CNTNAP5: variants seen among roughly 807,000 people sequenced by gnomAD.
CNTNAP5 encodes contactin associated protein family member 5, also known as contactin-associated protein-like 5.
In CNTNAP5, 72 loss-of-function variants were observed where a neutral mutation model predicts 150.2. That is an observed-to-expected ratio of 0.48 (90% confidence interval 0.40 to 0.58). The LOEUF is 0.58. Ranked by LOEUF, CNTNAP5 falls within the 20% of genes least tolerant of loss-of-function variation. The pLI is 0.00. For synonymous variants in CNTNAP5, 672 were observed against 619.8 expected (o/e 1.08, Z -1.25); for missense variants, 1,636 against 1,626.2 (o/e 1.01, Z -0.10).
At chr2:124,137,891 A>G (rs1424148779) in intron 1 of CNTNAP5, among the ~76,000 whole-genome samples, 1 of 152,100 alleles carries the variant, frequency 6.6e-6, no homozygotes, top group Non-Finnish European at 1.5e-5. Context: ...TCCAGGTTCT[A>G]AATTCAGAAG....
At chr2:124,619,908 CATATATATATATATAT>C (rs10540154) in intron 12 of CNTNAP5, among the ~76,000 whole-genome samples, 1 of 115,548 alleles carries the variant, frequency 8.7e-6, no homozygotes, top group Non-Finnish European at 1.6e-5. Flanking sequence ...CTGTCTCATT[CATATATATATATATAT>C]ATATATATAT....
At chr2:124,721,752 G>T (rs1381622839) in intron 13 of CNTNAP5, among the ~76,000 whole-genome samples, 1 of 152,086 alleles carries the variant, frequency 6.6e-6, no homozygotes, top group Non-Finnish European at 1.5e-5. Flanking sequence ...TGATATATCA[G>T]GAGGAATCCT....
intron 1 of CNTNAP5, among the ~76,000 whole-genome samples, chr2:124,160,691 A>G (rs1399133078): frequency 6.6e-6 from 1 of 152,172 alleles, no homozygotes; most frequent in African/African-American, 2.4e-5. Flanking sequence ...GAAGCACGGT[A>G]ATTAGGTATA....
intron 2 of CNTNAP5, among the ~76,000 whole-genome samples, chr2:124,234,696 T>A (rs1461252981): frequency 6.6e-6 from 1 of 152,192 alleles, no homozygotes; most frequent in East Asian, 1.9e-4. Flanking sequence ...CTCACTTCTT[T>A]TATAACTTCT....
In CNTNAP5 at chr2:124,916,721, G is replaced by A. The variant is rs557733171; in HGVS notation, c.*2433G>A. 1.3e-5 allele frequency among the ~76,000 whole-genome samples: 2 copies of A among 152,034 alleles called. No homozygotes were observed. The highest frequency in any genetic ancestry group is 3.9e-4 in the East Asian group (2 of 5,144). ...GTGAAGCTCTATCCTGACCACAATG[G>A]CACTACAAAATCAACTGGCATCTTC... On this transcript the variant is annotated 3_prime_UTR_variant, in exon 24 of 24. Transcript: ENST00000682447.
chr2:124,319,591 A>C (rs1328610153), intron 3 of CNTNAP5, among the ~76,000 whole-genome samples: 1 of 152,172 alleles, frequency 6.6e-6, no homozygotes, highest in African/African-American at 2.4e-5. Context: ...TTATGCAGTC[A>C]TTTTTATTTT....
At chr2:124,600,189 GT>G (rs35297517) in intron 11 of CNTNAP5, among the ~76,000 whole-genome samples, 5 of 150,488 alleles carry the variant, frequency 3.3e-5, no homozygotes, top group East Asian at 2.0e-4. Flanking sequence ...ATAGTAAATG[GT>G]TTTTTTTTTA....
chr2:124,636,020 G>A (rs1573512865), intron 12 of CNTNAP5, among the ~76,000 whole-genome samples: 2 of 152,284 alleles, frequency 1.3e-5, no homozygotes. Flanking sequence ...TGTCTTACAG[G>A]AAGTTTTGCT....
intron 19 of CNTNAP5, among the ~76,000 whole-genome samples, chr2:124,851,057 C>T (rs1376613266): frequency 6.6e-6 from 1 of 152,152 alleles, no homozygotes; most frequent in Non-Finnish European, 1.5e-5. Flanking sequence ...AGAAATGTGA[C>T]ATTAGCTAAC....
intron 3 of CNTNAP5, among the ~76,000 whole-genome samples, chr2:124,347,774 CA>C (rs1439292167): frequency 1.3e-5 from 2 of 151,904 alleles, no homozygotes; most frequent in African/African-American, 4.8e-5. Flanking sequence ...TATGTGTTTA[CA>C]TATACACCCA....
In CNTNAP5 at chr2:124,786,253, ACT is replaced by A. The variant is rs1218942007; in HGVS notation, c.2753-3646_2753-3645del. Among the ~76,000 whole-genome samples the A allele has an allele frequency of 4.7e-5, 7 of 150,524 alleles. No individual in the cohort carries two copies. The Admixed American group carries it at 4.7e-4, about 10-fold the overall frequency. ...ACTCCAGCCTGGATGATAGAATATG[ACT>A]CTGTCTCAAAAATAAAACAAATAGG... On this transcript the variant is annotated intron_variant, in intron 17 of 23. Coordinates refer to ENST00000682447, the MANE Select transcript of CNTNAP5 (RefSeq NM_001367498.1).
At position 124,772,822 on chromosome 2, in the gene CNTNAP5, A is replaced by G. The variant is rs760259523; in HGVS notation, c.2557A>G (p.Ile853Val). ...AGCTCCTTCAGAGATCACCTTTGCC[A>G]TCGATGTTGGGAATGGTCCTGTGGA... The part of the protein sequence containing the change: ...ISSPSEITFA[I>V]DVGNGPVELV... Residue 853 changes from isoleucine (I) to valine (V), a missense_variant, in exon 17 of 24, where the codon ATC becomes GTC. Coordinates refer to ENST00000682447, the MANE Select transcript of CNTNAP5 (RefSeq NM_001367498.1). 2 of 1,613,622 alleles carry G rather than the reference A, an allele frequency of 1.2e-6. No homozygotes were observed. The highest frequency in any genetic ancestry group is 2.2e-5 in the East Asian group (1 of 44,850).
chr2:124,226,301 G>A (rs1029552772), intron 2 of CNTNAP5, among the ~76,000 whole-genome samples: 3 of 151,970 alleles, frequency 2.0e-5, no homozygotes, highest in African/African-American at 4.8e-5. Context: ...CCATCCTAAC[G>A]GGTGTGAGGT....
At position 124,371,927 on chromosome 2, in the gene CNTNAP5, G is replaced by A. The variant is rs573198602; in HGVS notation, c.382-45516G>A. ...TTAATATTAGATGTCATCTTGACTC[G>A]ATTGAGGGATGGCTAGGCAGCTGGT... is the stretch of plus-strand genomic sequence containing the variant. On this transcript the variant is annotated intron_variant, in intron 3 of 23. Transcript: ENST00000682447. Among the ~76,000 whole-genome samples the A allele has an allele frequency of 7.2e-5, 11 of 152,070 alleles. No individual in the cohort carries two copies. In the East Asian group the frequency reaches 7.8e-4, roughly 11 times the overall value.
intron 22 of CNTNAP5, among the ~76,000 whole-genome samples, chr2:124,904,080 C>CAAAAAAAAAAAAAAAAAAAAAAAAAAAAA (rs1678478530): frequency 8.5e-6 from 1 of 118,300 alleles, no homozygotes; most frequent in Non-Finnish European, 1.9e-5. Flanking sequence ...AAAAAAAAAC[C>CAAAAAAAAAAAAAAAAAAAAAAAAAAAAA]AAAATGTATC....
At chr2:124,441,757 C>T (rs1055684636) in intron 5 of CNTNAP5, among the ~76,000 whole-genome samples, 2 of 151,674 alleles carry the variant, frequency 1.3e-5, no homozygotes, top group African/African-American at 4.8e-5. Flanking sequence ...AAACACTTTT[C>T]CACAACAAAA....
intron 3 of CNTNAP5, among the ~76,000 whole-genome samples, chr2:124,337,507 G>T: frequency 6.6e-6 from 1 of 152,102 alleles, no homozygotes; most frequent in East Asian, 1.9e-4. Flanking sequence ...ATGGTTTTAG[G>T]TCTAACATTT....
chr2:124,575,871 T>C (rs1439778486), intron 11 of CNTNAP5, among the ~76,000 whole-genome samples: 3 of 152,220 alleles, frequency 2.0e-5, no homozygotes, highest in Non-Finnish European at 2.9e-5. Flanking sequence ...CCATTCCTTA[T>C]TGAGGGAAGG....
chr2:124,525,165 C>A (rs1047479324), intron 9 of CNTNAP5, among the ~76,000 whole-genome samples: 2 of 152,172 alleles, frequency 1.3e-5, no homozygotes, highest in African/African-American at 4.8e-5. Flanking sequence ...TGTATTTAGT[C>A]TTTCAAAAGT....
Sources: gnomAD v4.1 joint callset for allele counts (sites outside exome capture counted in the v4.1 genomes callset) on GRCh38, gnomAD v4.1.1 for gene constraint, MANE v1.5 for transcripts, NCBI Gene and HGNC (gene_info 2026-07-23, HGNC 2026-07-21) for gene names.